The following SEL1L3 variants were observed in gnomAD, a reference collection of about 807,000 sequenced individuals.
SEL1L3 encodes protein sel-1 homolog 3.
A neutral mutation model predicts 142.8 loss-of-function variants in SEL1L3; 76 were observed. The observed-to-expected ratio is 0.53, with a 90% confidence interval of 0.44 to 0.64. SEL1L3 has a LOEUF of 0.64. SEL1L3 is among the 30% of genes least tolerant of loss of function. The probability of loss-of-function intolerance (pLI) is 0.00; values close to 1 mark genes in which losing one functional copy is unlikely to be tolerated. For synonymous variants in SEL1L3, 504 were observed against 519.6 expected (o/e 0.97, Z 0.41); for missense variants, 1,262 against 1,381.7 (o/e 0.91, Z 1.37).
At position 25,797,715 on chromosome 4, in the gene SEL1L3, C is replaced by A. The variant is rs11726014; in HGVS notation, c.1956+4568G>T. 4.5e-3 allele frequency among the ~76,000 whole-genome samples: 679 copies of A among 152,324 alleles called. 4 individuals carry two copies. The highest frequency in any genetic ancestry group is 0.011 in the Admixed American group (165 of 15,300). On this transcript the variant is annotated intron_variant, in intron 11 of 23. Coordinates refer to ENST00000399878, the MANE Select transcript of SEL1L3 (RefSeq NM_015187.5). ...TGTTCATCACTGGGTAACCTCTGCA[C>A]CCACTTCTAGCCATCTTTCCATCAG...
intron 6 of SEL1L3, among the ~76,000 whole-genome samples, chr4:25,827,768 A>G: frequency 6.6e-6 from 1 of 152,252 alleles, no homozygotes; most frequent in East Asian, 1.9e-4. Flanking sequence ...TCTTACAAAG[A>G]AAATGAAAAG....
At chr4:25,816,209 T>G (rs1577649687) in intron 9 of SEL1L3, among the ~76,000 whole-genome samples, 1 of 150,256 alleles carries the variant, frequency 6.7e-6, no homozygotes, top group South Asian at 2.1e-4. Flanking sequence ...CATACACATA[T>G]ATACCTATAT....
rs1265817644 is a variant in SEL1L3 at position 25,747,744 on chromosome 4, C to A, written c.*681G>T. 1 of 152,622 alleles carries A rather than the reference C, an allele frequency of 6.6e-6. No homozygotes were observed. Among genetic ancestry groups the A allele is most frequent in the South Asian group, 2.1e-4 (1 of 4,826 alleles). 9.5% of individuals were successfully genotyped at this position (152,622 alleles called of 1,614,324 possible). A position where few individuals can be genotyped will look rare whatever the true frequency, so the allele number is the denominator to read the frequency against. On this transcript the variant is annotated 3_prime_UTR_variant, in exon 24 of 24. Coordinates refer to ENST00000399878, the MANE Select transcript of SEL1L3 (RefSeq NM_015187.5). ...AAGACTACAGTTAAGTACTAAGAAT[C>A]TTCTAAATGTAATTTCATGGATTGC...
intron 1 of SEL1L3, among the ~76,000 whole-genome samples, chr4:25,848,676 G>A (rs746374800): frequency 1.3e-5 from 2 of 152,150 alleles, no homozygotes; most frequent in African/African-American, 2.4e-5. Context: ...ATCCATTAGG[G>A]TGGCTATTAT....
intron 13 of SEL1L3, among the ~76,000 whole-genome samples, chr4:25,786,405 C>T (rs914304307): frequency 6.6e-6 from 1 of 152,120 alleles, no homozygotes; most frequent in African/African-American, 2.4e-5. Context: ...GCAGAACCCC[C>T]CTCTCTGCAA....
chr4:25,855,628 G>A (rs1205696993), intron 1 of SEL1L3, among the ~76,000 whole-genome samples: 1 of 152,174 alleles, frequency 6.6e-6, no homozygotes, highest in East Asian at 1.9e-4. Context: ...AGGTGTGGTG[G>A]CGGGCACCGG....
rs200569083 is a variant in SEL1L3, at chr4:25,819,861, A to C, written c.1370T>G (p.Ile457Arg). Reference sequence around the variant, plus strand: ...TGCTGCAGATGCATACACAGATACTATTTCTTGAACCTCAGCACACCTTTC... The same window carrying C: ...TGCTGCAGATGCATACACAGATACTCTTTCTTGAACCTCAGCACACCTTTC... The part of the protein sequence containing the change: ...YYERCAEVQE[I>R]VSVYASAAKH... Residue 457 changes from isoleucine (I) to arginine (R), a missense_variant, in exon 8 of 24, where the codon ATA becomes AGA. Ile to Arg is a moderately conservative substitution (Grantham distance 97). Transcript: ENST00000399878. 1.2e-6 allele frequency: 2 copies of C among 1,613,590 alleles called. No homozygotes were observed. The highest frequency in any genetic ancestry group is 2.7e-5 in the African/African-American group (2 of 75,004).
At chr4:25,780,160 C>A (rs1172680924) in intron 15 of SEL1L3, among the ~76,000 whole-genome samples, 4 of 152,124 alleles carry the variant, frequency 2.6e-5, no homozygotes, top group Non-Finnish European at 4.4e-5. Flanking sequence ...CTCTTCTCCA[C>A]CTCTCACACC....
intron 23 of SEL1L3, among the ~76,000 whole-genome samples, chr4:25,750,549 T>C (rs1469897361): frequency 6.6e-6 from 1 of 152,222 alleles, no homozygotes; most frequent in South Asian, 2.1e-4. Flanking sequence ...AGTAAGATCA[T>C]GCCTACTTCA....
Position 25,786,891 on chromosome 4 carries a change from G to C in SEL1L3, c.2217+1333C>G, listed in dbSNP as rs147587091. ...GGCTTTGATAGGGTAGGGAGGGTTAGAAATGTAGCCACAGTCATGGTTAAT... is the reference window on the plus strand; with the variant it reads ...GGCTTTGATAGGGTAGGGAGGGTTACAAATGTAGCCACAGTCATGGTTAAT... On this transcript the variant is annotated intron_variant, in intron 13 of 23. Transcript: ENST00000399878. 1.6e-4 allele frequency among the ~76,000 whole-genome samples: 25 copies of C among 152,350 alleles called. 1 individual carries two copies. In the East Asian group the frequency reaches 4.8e-3, roughly 29 times the overall value.
rs1715581402 is a variant in SEL1L3, at chr4:25,833,518, G to A, written c.912C>T (p.Leu304=). ...LYLLHYCKAN[L]CGILYFVDSN... ...AGTCAACAAAGTACAGAATCCCACAGAGGTTGGCCTTGCAATAATGGAGTA... is the reference window on the plus strand; with the variant it reads ...AGTCAACAAAGTACAGAATCCCACAAAGGTTGGCCTTGCAATAATGGAGTA... The change falls in exon 4 of 24, where the codon CTC becomes CTT. Residue 304 remains leucine (L), a synonymous_variant. Transcript: ENST00000399878. The A allele has an allele frequency of 6.2e-7, 1 of 1,612,926 alleles. No individual in the cohort carries two copies. The highest frequency in any genetic ancestry group is 1.7e-5 in the Admixed American group (1 of 59,946).
At chr4:25,827,596 G>T (rs1715177527) in intron 6 of SEL1L3, among the ~76,000 whole-genome samples, 1 of 152,074 alleles carries the variant, frequency 6.6e-6, no homozygotes. Flanking sequence ...GTTCTGGCAG[G>T]CCCCAACAAA....
chr4:25,752,424 A>G (rs1459587797), intron 23 of SEL1L3, among the ~76,000 whole-genome samples: 7 of 151,826 alleles, frequency 4.6e-5, no homozygotes, highest in Non-Finnish European at 1.5e-5. Flanking sequence ...CTCCGAAAAA[A>G]AAAAAAAAAA....
chr4:25,727,785 G>C, the SEL1L3 span, among the ~76,000 whole-genome samples: 1 of 152,190 alleles, frequency 6.6e-6, no homozygotes, highest in Non-Finnish European at 1.5e-5. Context: ...CACCTGGGGT[G>C]CATCCCAGGA....
chr4:25,814,734 C>T (rs1714266158), intron 9 of SEL1L3, among the ~76,000 whole-genome samples: 1 of 151,976 alleles, frequency 6.6e-6, no homozygotes, highest in Non-Finnish European at 1.5e-5. Context: ...TATAGGAGAT[C>T]AGAGTAAAGA....
chr4:25,833,133 T>C (rs1361051979), intron 4 of SEL1L3, 23 bp from the exon 5 acceptor site: 1 of 1,335,136 alleles, frequency 7.5e-7, no homozygotes, highest in Non-Finnish European at 1.1e-6. Flanking sequence ...TTCGAGCACA[T>C]GAAAATGAGC....
At chr4:25,801,666 T>C (rs1713192488) in intron 11 of SEL1L3, among the ~76,000 whole-genome samples, 1 of 152,180 alleles carries the variant, frequency 6.6e-6, no homozygotes. Context: ...AATTGGGGGC[T>C]GGAGTTAGTG....
chr4:25,723,638 G>A, the SEL1L3 span, among the ~76,000 whole-genome samples: 1 of 152,268 alleles, frequency 6.6e-6, no homozygotes, highest in Admixed American at 6.5e-5. Flanking sequence ...AATGGTTCCT[G>A]TACTCATGAG....
chr4:25,831,936 A>T (rs1249878960), intron 5 of SEL1L3, among the ~76,000 whole-genome samples: 1 of 152,176 alleles, frequency 6.6e-6, no homozygotes, highest in Non-Finnish European at 1.5e-5. Flanking sequence ...GCAAAATAAG[A>T]TCTGTGAATC....
Sources: gnomAD v4.1 joint callset for allele counts (sites outside exome capture counted in the v4.1 genomes callset) on GRCh38, gnomAD v4.1.1 for gene constraint, MANE v1.5 for transcripts, NCBI Gene and HGNC (gene_info 2026-07-23, HGNC 2026-07-21) for gene names.